NYAP2: variants seen among roughly 807,000 people sequenced by gnomAD.
NYAP2 encodes neuronal tyrosine-phosphorylated phosphoinositide-3-kinase adaptor 2, also known as neuronal tyrosine-phosphorylated phosphoinositide-3-kinase adapter 2.
A neutral mutation model predicts 50.4 loss-of-function variants in NYAP2; 23 were observed. That is an observed-to-expected ratio of 0.46 (90% CI 0.33 to 0.65). NYAP2 has a LOEUF of 0.65. NYAP2 is among the 30% of genes least tolerant of loss of function. The probability of loss-of-function intolerance (pLI) is 0.02; values close to 1 mark genes in which losing one functional copy is unlikely to be tolerated. For synonymous variants in NYAP2, 394 were observed against 365.2 expected (o/e 1.08, Z -0.90); for missense variants, 885 against 861.0 (o/e 1.03, Z -0.35).
intron 3 of NYAP2, among the ~76,000 whole-genome samples, chr2:225,449,601 C>CTTTTTTT (rs201552006): frequency 3.7e-4 from 36 of 96,306 alleles, no homozygotes; most frequent in Middle Eastern, 7.4e-3. Flanking sequence ...CTCTCTTTCT[C>CTTTTTTT]TTTTTTTTTT....
chr2:225,569,941 C>G (rs1692037335), intron 4 of NYAP2, among the ~76,000 whole-genome samples: 1 of 152,142 alleles, frequency 6.6e-6, no homozygotes, highest in Non-Finnish European at 1.5e-5. Flanking sequence ...CTTTATCCTA[C>G]TAGACTTGTG....
intron 4 of NYAP2, among the ~76,000 whole-genome samples, chr2:225,540,059 C>T (rs1278742258): frequency 6.6e-6 from 1 of 152,228 alleles, no homozygotes; most frequent in Non-Finnish European, 1.5e-5. Flanking sequence ...TTCCTCATTT[C>T]CATCTGAGAC....
chr2:225,501,373 A>T (rs1027571040), intron 3 of NYAP2, among the ~76,000 whole-genome samples: 5 of 152,196 alleles, frequency 3.3e-5, no homozygotes, highest in African/African-American at 9.7e-5. Flanking sequence ...ATGATATCTA[A>T]TCCAGGGATT....
chr2:225,548,621 T>C (rs1691622870), intron 4 of NYAP2, among the ~76,000 whole-genome samples: 1 of 151,926 alleles, frequency 6.6e-6, no homozygotes, highest in South Asian at 2.1e-4. Flanking sequence ...TTTATAGCCA[T>C]ATTCTGTAGG....
At chr2:225,505,659 A>G (rs1233110420) in intron 3 of NYAP2, among the ~76,000 whole-genome samples, 1 of 152,208 alleles carries the variant, frequency 6.6e-6, no homozygotes, top group Non-Finnish European at 1.5e-5. Flanking sequence ...AAAGTCAGCC[A>G]ATAACTCTTA....
intron 3 of NYAP2, among the ~76,000 whole-genome samples, chr2:225,475,142 A>G (rs868272308): frequency 6.6e-6 from 1 of 152,256 alleles, no homozygotes; most frequent in Non-Finnish European, 1.5e-5. Context: ...AAATAAAGTC[A>G]TAAATGAAGC....
intron 5 of NYAP2, among the ~76,000 whole-genome samples, chr2:225,589,311 A>G (rs1692447256): frequency 8.3e-6 from 1 of 120,988 alleles, no homozygotes; most frequent in African/African-American, 3.3e-5. Context: ...ATCCTGGAAA[A>G]CATGGAATAA....
intron 3 of NYAP2, among the ~76,000 whole-genome samples, chr2:225,507,875 G>T (rs1451616965): frequency 1.3e-5 from 2 of 152,216 alleles, no homozygotes; most frequent in Non-Finnish European, 2.9e-5. Context: ...ATGGCCCCAG[G>T]GATTCAGTAG....
Position 225,436,352 on chromosome 2 carries a change from G to A in NYAP2, c.221+27251G>A, listed in dbSNP as rs145647764. 3.2e-3 allele frequency among the ~76,000 whole-genome samples: 480 copies of A among 152,302 alleles called. 3 individuals carry two copies. Among genetic ancestry groups the A allele is most frequent in the African/African-American group, 0.011 (455 of 41,574 alleles). ...GGTATTGGCATTGTTTGTCCCTGGG[G>A]TTTGTGAGGAAGACCCTCCCTAGCT... On this transcript the variant is annotated intron_variant, in intron 3 of 6. Transcript: ENST00000636099.
At chr2:225,600,398 T>A (rs975811561) in intron 5 of NYAP2, among the ~76,000 whole-genome samples, 2 of 152,204 alleles carry the variant, frequency 1.3e-5, no homozygotes, top group African/African-American at 4.8e-5. Context: ...AGCCTCCAGC[T>A]GCATAATTTC....
chr2:225,642,358 T>G lies in NYAP2; in HGVS notation c.1829-9074T>G, dbSNP rs531731770. On this transcript the variant is annotated intron_variant, in intron 6 of 6. Coordinates refer to ENST00000636099, the Ensembl canonical transcript of NYAP2. ...AAAACCACTAACATTTCTTGAGATT[T>G]TAGTACATGGTTTTTGCTATGGAAA... 3.9e-5 allele frequency among the ~76,000 whole-genome samples: 6 copies of G among 152,298 alleles called. No homozygotes were observed. In the East Asian group the frequency reaches 1.2e-3, roughly 29 times the overall value.
intron 4 of NYAP2, among the ~76,000 whole-genome samples, chr2:225,534,774 A>G (rs1019679563): frequency 2.0e-5 from 3 of 152,204 alleles, no homozygotes; most frequent in African/African-American, 4.8e-5. Context: ...ATTGTCTGGT[A>G]AAAAGTAAAG....
At chr2:225,669,408 G>A in the NYAP2 span, among the ~76,000 whole-genome samples, 2 of 152,020 alleles carry the variant, frequency 1.3e-5, no homozygotes, top group Non-Finnish European at 2.9e-5. Flanking sequence ...AAGCTCATTC[G>A]TATGGACAAA....
intron 5 of NYAP2, among the ~76,000 whole-genome samples, chr2:225,609,188 G>T (rs961500298): frequency 4.6e-5 from 7 of 151,930 alleles, no homozygotes; most frequent in African/African-American, 1.7e-4. Context: ...AAGTCTTCTG[G>T]AAAATTATAG....
intron 3 of NYAP2, among the ~76,000 whole-genome samples, chr2:225,506,587 G>GTA (rs1330294275): frequency 6.6e-6 from 1 of 152,202 alleles, no homozygotes; most frequent in Non-Finnish European, 1.5e-5. Flanking sequence ...GGATGGGCCA[G>GTA]GGGGATGTTC....
At chr2:225,505,978 A>G (rs1366891843) in intron 3 of NYAP2, among the ~76,000 whole-genome samples, 2 of 152,016 alleles carry the variant, frequency 1.3e-5, no homozygotes, top group Admixed American at 6.6e-5. Flanking sequence ...GGCATTTGCC[A>G]GTTCCTAAAA....
At chr2:225,444,255 C>G (rs1161845134) in intron 3 of NYAP2, among the ~76,000 whole-genome samples, 1 of 54,482 alleles carries the variant, frequency 1.8e-5, no homozygotes, top group East Asian at 2.7e-4. Flanking sequence ...CATATATGGT[C>G]TAACATTCAC....
intron 5 of NYAP2, among the ~76,000 whole-genome samples, chr2:225,625,770 A>C (rs1476457649): frequency 6.6e-6 from 1 of 152,194 alleles, no homozygotes; most frequent in African/African-American, 2.4e-5. Flanking sequence ...TAGACATTCT[A>C]TGGGCAACAG....
the NYAP2 span, among the ~76,000 whole-genome samples, chr2:225,667,566 G>T: frequency 2.1e-3 from 315 of 152,270 alleles, no homozygotes; most frequent in South Asian, 5.6e-3. Context: ...CACGTAGAAA[G>T]TCAAGTCAAC....
Sources: allele counts gnomAD v4.1 joint callset (sites outside exome capture counted in the v4.1 genomes callset), GRCh38; gene constraint gnomAD v4.1.1; transcripts MANE v1.5; gene names NCBI Gene and HGNC (gene_info 2026-07-23, HGNC 2026-07-21).